HERC2: variants seen among roughly 807,000 people sequenced by gnomAD.
HERC2 encodes HECT and RLD domain containing E3 ubiquitin protein ligase 2.
In HERC2, 102 loss-of-function variants were observed where a neutral mutation model predicts 537.7. The ratio of observed to expected loss-of-function variants is 0.19; its 90% CI spans 0.16 to 0.22. The LOEUF (loss-of-function observed/expected upper bound fraction) is 0.22, where lower values mean the gene tolerates loss of function less well. Among genes scored for constraint, HERC2 ranks in the 10% least tolerant of loss-of-function variants. The pLI is 1.00. For missense variants in HERC2, 4,236 were observed against 6,198.2 expected (o/e 0.68, Z 10.63); for synonymous variants, 2,224 against 2,466.2 (o/e 0.90, Z 2.91).
intron 4 of HERC2, among the ~76,000 whole-genome samples, chr15:28,290,285 C>A (rs1421575706): frequency 6.6e-6 from 1 of 152,088 alleles, no homozygotes; most frequent in East Asian, 1.9e-4. Flanking sequence ...TTAAGCTTTA[C>A]AGAGCAGCAA....
chr15:28,135,616 A>C lies in HERC2; in HGVS notation c.12092T>G (p.Leu4031Arg). The stretch of plus-strand genomic sequence containing the variant: ...AATAAACACATGCTGAATGGATTCA[A>C]GCAATGTTGGGGTGGACACCGACTC... ...GTESVSTPTL[L>R]ESIQHVFIKK... Residue 4031 changes from leucine (L) to arginine (R), a missense_variant, in exon 79 of 93, where the codon CTT becomes CGT. Leu to Arg is a moderately radical substitution (Grantham distance 102, BLOSUM62 -2). Coordinates refer to ENST00000261609, the MANE Select transcript of HERC2 (RefSeq NM_004667.6). The C allele has an allele frequency of 1.2e-6, 2 of 1,614,234 alleles. No individual in the cohort carries two copies. Among genetic ancestry groups the C allele is most frequent in the Non-Finnish European group, 1.7e-6 (2 of 1,180,030 alleles).
intron 2 of HERC2, among the ~76,000 whole-genome samples, chr15:28,309,818 T>C (rs368462023): frequency 2.0e-5 from 3 of 152,190 alleles, no homozygotes; most frequent in East Asian, 3.8e-4. Context: ...TTGTGTTTGG[T>C]AACTTGTTCT....
In HERC2 at chr15:28,198,715, C is replaced by T. The variant is rs764879451; in HGVS notation, c.7771G>A (p.Val2591Ile). Residue 2591 changes from valine (V) to isoleucine (I), a missense_variant, in exon 49 of 93, where the codon GTT becomes ATT. Val to Ile is a conservative substitution (Grantham distance 29, BLOSUM62 3). Transcript: ENST00000261609. Reference sequence around the variant, plus strand: ...CTGTCCAGCTTGATGACTTTGCCAACATCACCTTCGCACACTTCTTCATAC... The same window carrying T: ...CTGTCCAGCTTGATGACTTTGCCAATATCACCTTCGCACACTTCTTCATAC... ...RAYEEVCEGD[V>I]GKVIKLDRDG... 2 of 1,614,058 alleles carry T rather than the reference C, an allele frequency of 1.2e-6. No homozygotes were observed. The highest frequency in any genetic ancestry group is 2.7e-5 in the African/African-American group (2 of 74,928).
At position 28,274,372 on chromosome 15, in the gene HERC2, A is replaced by G. The variant is rs1380095935; in HGVS notation, c.719T>C (p.Leu240Pro). Residue 240 changes from leucine to proline, a missense_variant, in exon 7 of 93, where the codon CTC becomes CCC. Leu to Pro is a moderately conservative substitution (Grantham distance 98). Around this residue, in one of 27 missense-constraint regions of HERC2, gnomAD observed 491 missense variants for 559.3 expected, o/e 0.88. Transcript: ENST00000261609. ...AGAGGACACGGTGCTCTCGTCAAAGAGCGAGGCCTCGGGAAGTGCTCGCAG... is the reference window on the plus strand; with the variant it reads ...AGAGGACACGGTGCTCTCGTCAAAGGGCGAGGCCTCGGGAAGTGCTCGCAG... Reference protein sequence around the residue: ...DALRALPEASLFDESTVSSVW... With the variant: ...DALRALPEASPFDESTVSSVW... 3.1e-6 allele frequency: 5 copies of G among 1,614,170 alleles called. No homozygotes were observed. The highest frequency in any genetic ancestry group is 4.2e-6 in the Non-Finnish European group (5 of 1,180,020).
At chr15:28,112,541 T>C (rs1214362621) in intron 92 of HERC2, among the ~76,000 whole-genome samples, 2 of 152,230 alleles carry the variant, frequency 1.3e-5, no homozygotes, top group Non-Finnish European at 2.9e-5. Flanking sequence ...GCTGGACACA[T>C]GCTGGGAACA....
chr15:28,255,615 G>A (rs978660544), intron 19 of HERC2, among the ~76,000 whole-genome samples: 6 of 152,188 alleles, frequency 3.9e-5, no homozygotes, highest in African/African-American at 1.4e-4. Flanking sequence ...GGATCTTTCC[G>A]GGTAACGGGA....
chr15:28,300,664 A>C (rs1376706637), intron 2 of HERC2, among the ~76,000 whole-genome samples: 3 of 145,262 alleles, frequency 2.1e-5, no homozygotes, highest in Non-Finnish European at 4.5e-5. Context: ...TCTACTAAAA[A>C]TATGAAAAAT....
chr15:28,165,110 A>G (rs1429973277), intron 68 of HERC2, among the ~76,000 whole-genome samples: 1 of 152,232 alleles, frequency 6.6e-6, no homozygotes, highest in Non-Finnish European at 1.5e-5. Context: ...AGGCATCCAC[A>G]CATGGGGGGT....
At chr15:28,142,674 C>T (rs963156970) in intron 75 of HERC2, among the ~76,000 whole-genome samples, 153 bp downstream of exon 75, 10 of 152,210 alleles carry the variant, frequency 6.6e-5, no homozygotes, top group African/African-American at 1.2e-4. Flanking sequence ...TTAGATTACA[C>T]GATCATTTCT....
intron 10 of HERC2, among the ~76,000 whole-genome samples, 154 bp from the exon 11 acceptor site, chr15:28,269,590 C>G (rs1319488508): frequency 6.6e-6 from 1 of 152,200 alleles, no homozygotes; most frequent in Non-Finnish European, 1.5e-5. Flanking sequence ...GCCTGTATTA[C>G]CTCATTTAAC....
At chr15:28,117,195 A>G (rs761048186) in intron 86 of HERC2, 41 bp from the exon 87 acceptor site, 2 of 1,603,330 alleles carry the variant, frequency 1.2e-6, no homozygotes, top group Non-Finnish European at 8.5e-7. Context: ...CCGCTGCCGC[A>G]GCAGGAAGCA....
chr15:28,171,597 G>GA (rs1437643212), intron 65 of HERC2, among the ~76,000 whole-genome samples: 1 of 151,324 alleles, frequency 6.6e-6, no homozygotes. Context: ...GACAGAAGGG[G>GA]AAAAAACAAA....
At chr15:28,309,063 A>AT (rs1271702904) in intron 2 of HERC2, among the ~76,000 whole-genome samples, 1 of 152,226 alleles carries the variant, frequency 6.6e-6, no homozygotes, top group East Asian at 1.9e-4. Flanking sequence ...TTAATGACTT[A>AT]TTTTGTGGCC....
At chr15:28,240,703 G>GA (rs1903014385) in intron 23 of HERC2, among the ~76,000 whole-genome samples, 1 of 152,096 alleles carries the variant, frequency 6.6e-6, no homozygotes, top group African/African-American at 2.4e-5. Context: ...CAAACATACA[G>GA]AAAAATGGAA....
At chr15:28,162,363 A>G (rs780617462) in intron 69 of HERC2, among the ~76,000 whole-genome samples, 1 of 152,204 alleles carries the variant, frequency 6.6e-6, no homozygotes, top group African/African-American at 2.4e-5. Flanking sequence ...AATTTATTTA[A>G]AACAATGTCA....
At chr15:28,223,184 T>C (rs1483218334) in intron 35 of HERC2, among the ~76,000 whole-genome samples, 1 of 152,078 alleles carries the variant, frequency 6.6e-6, no homozygotes, top group Non-Finnish European at 1.5e-5. Flanking sequence ...CTGAGAGCAG[T>C]AAAACTTCCC....
chr15:28,151,622 G>A (rs761124037), intron 70 of HERC2, among the ~76,000 whole-genome samples: 1 of 152,060 alleles, frequency 6.6e-6, no homozygotes, highest in South Asian at 2.1e-4. Context: ...CTGCCTGGAC[G>A]CTACTGAAGA....
At position 28,192,002 on chromosome 15, in the gene HERC2, C is replaced by T. The variant is rs571204932; in HGVS notation, c.8410G>A (p.Gly2804Ser). The T allele has an allele frequency of 1.2e-5, 19 of 1,613,732 alleles. No homozygotes were observed. The highest frequency in any genetic ancestry group is 2.2e-5 in the East Asian group (1 of 44,886). The change falls in exon 53 of 93, where the codon GGC becomes AGC. Residue 2804 changes from glycine (G) to serine (S), a missense_variant. This residue lies in a region of HERC2 where 606 missense variants were observed against 884.5 expected (regional missense o/e 0.69). Transcript: ENST00000261609. ...SVNQASRLID[G>S]SEPCWQSSGS... ...GATGACTGCCAGCAGGGCTCGCTGC[C>T]GTCAATGAGACGGGATGCCTGGTTC...
At chr15:28,137,386 G>T (rs1890758898) in intron 78 of HERC2, among the ~76,000 whole-genome samples, 1 of 152,166 alleles carries the variant, frequency 6.6e-6, no homozygotes, top group Admixed American at 6.5e-5. Flanking sequence ...CGCAGATACT[G>T]TTTTTTATAA....
Sources: gnomAD v4.1 joint callset for allele counts (sites outside exome capture counted in the v4.1 genomes callset) on GRCh38, gnomAD v4.1.1 for gene constraint, gnomAD v4.1.1 regional missense constraint, MANE v1.5 for transcripts, NCBI Gene and HGNC (gene_info 2026-07-23, HGNC 2026-07-21) for gene names.